Variants in VPS13B observed in about 807,000 individuals in gnomAD.
VPS13B encodes vacuolar protein sorting 13 homolog B.
VPS13B carries 285 observed loss-of-function variants against 426.4 expected under a neutral mutation model. The observed-to-expected ratio is 0.67, with a 90% CI of 0.61 to 0.74. The LOEUF is 0.74. Ranked by LOEUF, VPS13B falls within the 30% of genes least tolerant of loss-of-function variation. VPS13B has a pLI of 0.00. For missense variants in VPS13B, 4,537 were observed against 4,782.6 expected (o/e 0.95, Z 1.51); for synonymous variants, 1,676 against 1,676.4 (o/e 1.00, Z 0.01).
chr8:99,267,430 G>A (rs561867898), intron 17 of VPS13B, among the ~76,000 whole-genome samples: 5 of 152,106 alleles, frequency 3.3e-5, no homozygotes, highest in African/African-American at 9.6e-5. Flanking sequence ...CTGATTATGC[G>A]ATAGAAAAGA....
chr8:99,352,563 G>A (rs1350309240), intron 19 of VPS13B, among the ~76,000 whole-genome samples: 1 of 152,168 alleles, frequency 6.6e-6, no homozygotes, highest in Non-Finnish European at 1.5e-5. Context: ...GCTGGGCGCA[G>A]TGGCTCACGC....
chr8:99,355,642 G>C (rs3110404), intron 19 of VPS13B, among the ~76,000 whole-genome samples: 125,790 of 152,052 alleles, frequency 0.83, 52,548 homozygotes, highest in South Asian at 0.89. Context: ...CTAAATGAAT[G>C]TATGACTCTG....
intron 3 of VPS13B, among the ~76,000 whole-genome samples, chr8:99,068,837 T>C (rs148269774): frequency 1.1e-3 from 160 of 152,254 alleles, no homozygotes; most frequent in African/African-American, 2.9e-3. Flanking sequence ...CCTCATTTGA[T>C]TTGTGGGAAC....
At chr8:99,523,472 C>G (rs79194481) in intron 30 of VPS13B, among the ~76,000 whole-genome samples, 8,684 of 152,290 alleles carry the variant, frequency 0.057, 320 homozygotes, top group African/African-American at 0.098. Flanking sequence ...GTGGCAGCCA[C>G]AGTGCTTGTG....
At chr8:99,769,392 GA>G (rs1181117005) in intron 40 of VPS13B, among the ~76,000 whole-genome samples, 1 of 152,176 alleles carries the variant, frequency 6.6e-6, no homozygotes, top group Non-Finnish European at 1.5e-5. Flanking sequence ...CATGCAGACA[GA>G]AAGCTTTTAC....
At chr8:99,117,963 A>G (rs990095765) in intron 7 of VPS13B, among the ~76,000 whole-genome samples, 5 of 152,168 alleles carry the variant, frequency 3.3e-5, no homozygotes, top group Admixed American at 2.6e-4. Context: ...AAATCTTACT[A>G]CCTTAAAATA....
intron 56 of VPS13B, among the ~76,000 whole-genome samples, chr8:99,856,233 A>G (rs560587614): frequency 2.0e-5 from 3 of 152,374 alleles, no homozygotes; most frequent in African/African-American, 7.2e-5. Context: ...ATCTCACTGT[A>G]TACCAAGATA....
rs60608767 is a variant in VPS13B, at chr8:99,418,962, C to T, written c.3083-12575C>T. On this transcript the variant is annotated intron_variant, in intron 21 of 61. Coordinates refer to ENST00000357162, the MANE Select transcript of VPS13B (RefSeq NM_152564.5). Reference sequence around the variant, plus strand: ...TCATCTTCCTTCAGGTCCTACTGAACCATTTCTCTCGCAAAGGCCTTGCCA... The same window carrying T: ...TCATCTTCCTTCAGGTCCTACTGAATCATTTCTCTCGCAAAGGCCTTGCCA... Among the ~76,000 whole-genome samples the T allele has an allele frequency of 5.4e-3, 825 of 152,294 alleles. 8 individuals carry two copies. Among genetic ancestry groups the T allele is most frequent in the African/African-American group, 0.019 (794 of 41,562 alleles).
At position 99,835,600 on chromosome 8, in the gene VPS13B, G is replaced by A. The variant is rs1736389531; in HGVS notation, c.9804G>A (p.Glu3268=). ...CCTCCGAGTGCTCAATTCATCATGA[G>A]CTGTATCATCAGATTTCCAGTTATC... ...KIPSECSIHH[E]LYHQISSYPD... The change falls in exon 54 of 62, where the codon GAG becomes GAA. Residue 3268 remains glutamate (E), a synonymous_variant. Transcript: ENST00000357162. 6.2e-7 allele frequency: 1 copy of A among 1,614,114 alleles called. No individual in the cohort carries two copies. Among genetic ancestry groups the A allele is most frequent in the Non-Finnish European group, 8.5e-7 (1 of 1,180,020 alleles).
intron 34 of VPS13B, among the ~76,000 whole-genome samples, chr8:99,648,001 A>C (rs944564666): frequency 1.3e-5 from 2 of 152,214 alleles, no homozygotes; most frequent in Non-Finnish European, 2.9e-5. Flanking sequence ...CAAGGTGACT[A>C]CTTTAATCAG....
chr8:99,765,066 C>T (rs201021161), intron 39 of VPS13B, among the ~76,000 whole-genome samples: 37 of 151,966 alleles, frequency 2.4e-4, no homozygotes, highest in Non-Finnish European at 4.6e-4. Flanking sequence ...GCCAACATGG[C>T]GAAACCCCTT....
At chr8:99,345,496 A>G (rs1811488635) in intron 19 of VPS13B, among the ~76,000 whole-genome samples, 1 of 152,182 alleles carries the variant, frequency 6.6e-6, no homozygotes, top group Non-Finnish European at 1.5e-5. Flanking sequence ...ACTTTCACAT[A>G]TACACATTGT....
At chr8:99,233,418 C>G (rs1172626050) in intron 17 of VPS13B, 24 of 1,230,406 alleles carry the variant, frequency 2.0e-5, no homozygotes, top group Non-Finnish European at 2.8e-5. Flanking sequence ...GTCTTGCCAG[C>G]TGTTTGATGT....
chr8:99,105,389 A>G (rs1846989080), intron 5 of VPS13B, among the ~76,000 whole-genome samples: 1 of 151,972 alleles, frequency 6.6e-6, no homozygotes, highest in Non-Finnish European at 1.5e-5. Flanking sequence ...TAATTAATTA[A>G]TTTTTTTGAG....
chr8:99,062,683 G>A (rs577782501), intron 3 of VPS13B, among the ~76,000 whole-genome samples: 1 of 152,074 alleles, frequency 6.6e-6, no homozygotes, highest in South Asian at 2.1e-4. Context: ...GGTCAGGCTG[G>A]TCTCGAACTT....
At chr8:99,780,210 A>G (rs925588717) in intron 42 of VPS13B, among the ~76,000 whole-genome samples, 8 of 152,082 alleles carry the variant, frequency 5.3e-5, no homozygotes, top group Admixed American at 3.3e-4. Flanking sequence ...TAGCCATGTG[A>G]AAAAAAAGAC....
intron 32 of VPS13B, among the ~76,000 whole-genome samples, chr8:99,576,649 A>G (rs566201472): frequency 4.6e-5 from 7 of 152,296 alleles, no homozygotes; most frequent in Admixed American, 4.6e-4. Flanking sequence ...TCTGTTGGAC[A>G]TTTCCAAGCA....
intron 19 of VPS13B, among the ~76,000 whole-genome samples, chr8:99,367,588 CCTATAT>C (rs1812960862): frequency 6.6e-6 from 1 of 152,184 alleles, no homozygotes; most frequent in African/African-American, 2.4e-5. Flanking sequence ...ACTTTCTACA[CCTATAT>C]CTCTCCCTGC....
At chr8:99,618,296 A>G (rs1563827760) in intron 33 of VPS13B, among the ~76,000 whole-genome samples, 2 of 152,042 alleles carry the variant, frequency 1.3e-5, no homozygotes. Context: ...AAAAAAAAAA[A>G]AAAAATTCTG....
Sources: allele counts gnomAD v4.1 joint callset (sites outside exome capture counted in the v4.1 genomes callset), GRCh38; gene constraint gnomAD v4.1.1; transcripts MANE v1.5; gene names NCBI Gene and HGNC (gene_info 2026-07-23, HGNC 2026-07-21).